Variants in FARP1 observed in about 807,000 individuals in gnomAD.
FARP1 encodes FERM, ARH/RhoGEF and pleckstrin domain protein 1, also known as FERM, ARHGEF and pleckstrin domain-containing protein 1.
FARP1 carries 52 observed loss-of-function variants against 128.8 expected under a neutral mutation model. That is an observed-to-expected ratio of 0.40 (90% CI 0.32 to 0.51). FARP1 has a LOEUF of 0.51. FARP1 is among the 20% of genes least tolerant of loss of function. The probability of loss-of-function intolerance (pLI) is 0.45; values close to 1 mark genes in which losing one functional copy is unlikely to be tolerated. For missense variants in FARP1, 1,333 were observed against 1,367.9 expected, an observed-to-expected ratio of 0.97 and a Z score of 0.40; for synonymous variants, 580 against 551.8, an observed-to-expected ratio of 1.05 and a Z score of -0.72.
At chr13:98,331,850 T>G (rs897576485) in intron 2 of FARP1, 5 of 152,196 alleles carry the variant, frequency 3.3e-5, no homozygotes, top group African/African-American at 1.2e-4. Flanking sequence ...TCCCCTATTC[T>G]ATGCTGTTCC....
In FARP1 at chr13:98,176,215, T is replaced by C. The variant is rs1426790207; in HGVS notation, c.-24+32723T>C. 1.2e-6 allele frequency: 2 copies of C among 1,609,202 alleles called. No individual in the cohort carries two copies. The highest frequency in any genetic ancestry group is 1.7e-5 in the Admixed American group (1 of 59,930). On this transcript the variant is annotated intron_variant, in intron 1 of 26. Coordinates refer to ENST00000319562, the MANE Select transcript of FARP1 (RefSeq NM_005766.4). This position sits in a 1 kb window ranked among gnomAD's most constrained non-coding sequence, Gnocchi z 6.2. Reference sequence around the variant, plus strand: ...AAAATTTATTTAAATGTGAGAATTATGGGAAACCTAAGCCATGGGAATTGG... The same window carrying C: ...AAAATTTATTTAAATGTGAGAATTACGGGAAACCTAAGCCATGGGAATTGG...
intron 5 of FARP1, among the ~76,000 whole-genome samples, chr13:98,372,718 C>T (rs1321924932): frequency 1.3e-5 from 2 of 152,096 alleles, no homozygotes; most frequent in Admixed American, 1.3e-4. Context: ...TCTTGCAGTC[C>T]CTAGGAGTGA....
chr13:98,390,917 G>T, intron 11 of FARP1, 37 bp downstream of exon 11: 2 of 1,388,944 alleles, frequency 1.4e-6, no homozygotes, highest in Middle Eastern at 3.5e-4. Flanking sequence ...AGTCTGAGAA[G>T]GCTCAGACTC....
intron 2 of FARP1, among the ~76,000 whole-genome samples, chr13:98,216,584 T>C (rs1406178670): frequency 6.6e-6 from 1 of 152,178 alleles, no homozygotes; most frequent in Non-Finnish European, 1.5e-5. Context: ...AATTTTATTT[T>C]AAAATACGGA....
chr13:98,447,844 CAAAAAAAAAA>C lies in FARP1; in HGVS notation c.3057-391_3057-382del, dbSNP rs1380352766. The C allele has an allele frequency of 2.7e-5, 5 of 184,486 alleles. No homozygotes were observed. In the East Asian group the frequency reaches 8.2e-4, roughly 30 times the overall value. 11.4% of individuals were successfully genotyped at this position (184,486 alleles called of 1,614,324 possible). On this transcript the variant is annotated intron_variant, in intron 26 of 26. Coordinates refer to ENST00000319562, the MANE Select transcript of FARP1 (RefSeq NM_005766.4). Reference sequence around the variant, plus strand: ...TGAGTGACAGAGCCAGACCCTGTCTCAAAAAAAAAAGAAAAAGAAAAAAGGAAGGGAGAGC... The same window carrying C: ...TGAGTGACAGAGCCAGACCCTGTCTCGAAAAAGAAAAAAGGAAGGGAGAGC...
chr13:98,176,492 C>A lies in FARP1; in HGVS notation c.-24+33000C>A. ...AAACACCTGAATGGTATTTCCTCTT[C>A]CTCGCTTCCCACTTCATGGTTTTCG... On this transcript the variant is annotated intron_variant, in intron 1 of 26. Coordinates refer to ENST00000319562, the MANE Select transcript of FARP1 (RefSeq NM_005766.4). The surrounding 1 kb of genome is among the most constrained non-coding windows in gnomAD (Gnocchi z 6.2). 6.2e-7 allele frequency: 1 copy of A among 1,614,200 alleles called. No individual in the cohort carries two copies. Among genetic ancestry groups the A allele is most frequent in the Non-Finnish European group, 8.5e-7 (1 of 1,180,028 alleles).
At chr13:98,446,595 C>T (rs976220984) in intron 25 of FARP1, 71 bp from the exon 26 acceptor site, 46 of 1,518,376 alleles carry the variant, frequency 3.0e-5, no homozygotes, top group Middle Eastern at 3.4e-4. Flanking sequence ...CTGTCTGATG[C>T]GGGGCAGCAG....
rs80276795 is a variant in FARP1, at chr13:98,377,529, C to T, written c.399-292C>T. ...GAAAAAAATGTAAATATTTCCTGTA[C>T]GCTACAAAAATATATAGCATGCTAG... On this transcript the variant is annotated intron_variant, in intron 5 of 26. Transcript: ENST00000319562. 7.6e-3 allele frequency among the ~76,000 whole-genome samples: 1,161 copies of T among 152,170 alleles called. 30 individuals carry two copies. The highest frequency in any genetic ancestry group is 0.076 in the East Asian group (393 of 5,174).
chr13:98,343,460 T>C (rs1201253024), intron 2 of FARP1, among the ~76,000 whole-genome samples: 1 of 152,158 alleles, frequency 6.6e-6, no homozygotes, highest in Non-Finnish European at 1.5e-5. Context: ...TTGCTCAACT[T>C]TTTGTAAACC....
intron 1 of FARP1, among the ~76,000 whole-genome samples, chr13:98,181,638 TTATTTGAG>T (rs1314413111): frequency 2.1e-5 from 1 of 48,396 alleles, no homozygotes; most frequent in Non-Finnish European, 4.7e-5. Flanking sequence ...ATTTATTTAT[TTATTTGAG>T]AGAGAGAGAG....
chr13:98,314,846 G>A (rs1886653753), intron 2 of FARP1, among the ~76,000 whole-genome samples: 1 of 152,224 alleles, frequency 6.6e-6, no homozygotes, highest in Admixed American at 6.5e-5. Flanking sequence ...GAAGAGAGGG[G>A]CAGACCGATT....
intron 2 of FARP1, among the ~76,000 whole-genome samples, chr13:98,335,241 A>G (rs1566891597): frequency 2.0e-5 from 3 of 152,216 alleles, no homozygotes; most frequent in South Asian, 4.1e-4. Flanking sequence ...TGTTAAAGAC[A>G]TACTTGAGAC....
intron 2 of FARP1, among the ~76,000 whole-genome samples, chr13:98,340,413 C>T (rs1004038321): frequency 2.0e-5 from 3 of 150,748 alleles, no homozygotes; most frequent in Admixed American, 6.6e-5. Flanking sequence ...GGTGTGATCT[C>T]GGCTCACTGC....
At chr13:98,259,530 G>C (rs1467225398) in intron 2 of FARP1, among the ~76,000 whole-genome samples, 1 of 152,118 alleles carries the variant, frequency 6.6e-6, no homozygotes, top group Non-Finnish European at 1.5e-5. Flanking sequence ...CCGTGAGCAG[G>C]GGACCAGTGT....
chr13:98,278,800 G>A (rs543203599), intron 2 of FARP1, among the ~76,000 whole-genome samples: 1 of 148,636 alleles, frequency 6.7e-6, no homozygotes, highest in African/African-American at 2.6e-5. Flanking sequence ...AGGCTGCATT[G>A]TTTTTCTTAT....
chr13:98,322,806 A>G (rs1220838399), intron 2 of FARP1, among the ~76,000 whole-genome samples: 1 of 152,180 alleles, frequency 6.6e-6, no homozygotes, highest in African/African-American at 2.4e-5. Flanking sequence ...AACCCAACCA[A>G]CTGAAAACAC....
chr13:98,200,345 C>G (rs952463308), intron 1 of FARP1, among the ~76,000 whole-genome samples: 2 of 151,376 alleles, frequency 1.3e-5, no homozygotes, highest in African/African-American at 2.4e-5. Context: ...CAGTGCTTCT[C>G]AGACCAGAGC....
intron 1 of FARP1, chr13:98,177,364 A>G (rs626950): frequency 0.89 from 631,867 of 711,200 alleles, 288,301 homozygotes; most frequent in Non-Finnish European, 0.94. Context: ...AGCTTCTGCT[A>G]GGCCAGGCGC....
chr13:98,316,063 G>A (rs1775403445), intron 2 of FARP1, among the ~76,000 whole-genome samples: 2 of 152,134 alleles, frequency 1.3e-5, no homozygotes, highest in Non-Finnish European at 2.9e-5. Context: ...AGACGGTTTC[G>A]GCTGGAGTAT....
Sources: gnomAD v4.1 joint callset for allele counts (sites outside exome capture counted in the v4.1 genomes callset) on GRCh38, gnomAD v4.1.1 for gene constraint, Gnocchi (gnomAD v3.1) non-coding constraint, MANE v1.5 for transcripts, NCBI Gene and HGNC (gene_info 2026-07-23, HGNC 2026-07-21) for gene names.